The following FGF14 variants were observed in gnomAD, a reference collection of about 807,000 sequenced individuals.
FGF14 encodes fibroblast growth factor 14.
In FGF14, 5 loss-of-function variants were observed where a neutral mutation model predicts 25.5. The observed-to-expected ratio is 0.20, with a 90% CI of 0.10 to 0.41. FGF14 has a LOEUF of 0.41. FGF14 is among the 10% of genes least tolerant of loss of function. The pLI is 1.00. For synonymous variants in FGF14, 138 were observed against 118.3 expected, an observed-to-expected ratio of 1.17 and a Z score of -1.08; for missense variants, 222 against 320.1, an observed-to-expected ratio of 0.69 and a Z score of 2.34.
intron 1 of FGF14, among the ~76,000 whole-genome samples, chr13:101,904,561 A>C (rs539504241): frequency 5.9e-5 from 9 of 152,356 alleles, no homozygotes; most frequent in Admixed American, 5.9e-4. Context: ...CTTGTAAACG[A>C]ATGTTCCTGG....
At chr13:101,953,689 C>T (rs1465824203) in intron 1 of FGF14, among the ~76,000 whole-genome samples, 1 of 151,400 alleles carries the variant, frequency 6.6e-6, no homozygotes, top group East Asian at 1.9e-4. Context: ...CTCCCCGGTT[C>T]AAGCGATTCT....
At chr13:101,758,520 C>G (rs552880570) in intron 3 of FGF14, among the ~76,000 whole-genome samples, 1 of 152,286 alleles carries the variant, frequency 6.6e-6, no homozygotes, top group South Asian at 2.1e-4. Context: ...TTTTACTCTT[C>G]TGCCCTTGTA....
At chr13:101,824,889 C>T (rs766754137) in intron 3 of FGF14, among the ~76,000 whole-genome samples, 15 of 152,134 alleles carry the variant, frequency 9.9e-5, no homozygotes, top group Non-Finnish European at 1.8e-4. Flanking sequence ...GGAGAGCTTC[C>T]GGGTTGCTAA....
In FGF14 at chr13:102,388,466, A is replaced by G. The variant is rs185267225; in HGVS notation, c.208+13005T>C. On this transcript the variant is annotated intron_variant, in intron 1 of 4. Transcript: ENST00000376131. The stretch of plus-strand genomic sequence containing the variant: ...TGACTTCCAAAAGTCGATGGAGGCC[A>G]CTTTCCCATGAGGCACCACAGTCCA... 1.2e-4 allele frequency among the ~76,000 whole-genome samples: 18 copies of G among 152,248 alleles called. No homozygotes were observed. The East Asian group carries it at 3.5e-3, about 29-fold the overall frequency.
At chr13:102,081,611 A>G (rs1007295857) in intron 1 of FGF14, among the ~76,000 whole-genome samples, 2 of 152,154 alleles carry the variant, frequency 1.3e-5, no homozygotes, top group African/African-American at 4.8e-5. Context: ...TGGCCTTATT[A>G]TCAATTGGAA....
intron 1 of FGF14, among the ~76,000 whole-genome samples, chr13:102,173,779 T>C (rs2048335719): frequency 1.3e-5 from 2 of 151,996 alleles, no homozygotes; most frequent in Non-Finnish European, 2.9e-5. Flanking sequence ...GTCAAACTGA[T>C]AGAAGCAGAG....
At chr13:102,363,261 A>G (rs184005181) in intron 1 of FGF14, among the ~76,000 whole-genome samples, 1 of 152,330 alleles carries the variant, frequency 6.6e-6, no homozygotes, top group East Asian at 1.9e-4. Context: ...ACCTCCAGTT[A>G]TTAGAGTTGC....
chr13:102,270,648 AAT>A (rs1367700270), intron 1 of FGF14, among the ~76,000 whole-genome samples: 1 of 152,184 alleles, frequency 6.6e-6, no homozygotes, highest in Non-Finnish European at 1.5e-5. Context: ...AGTGAGCATA[AAT>A]ATATAGACAT....
rs2056803241 is a variant in FGF14 at position 102,336,862 on chromosome 13, C to A, written c.208+64609G>T. ...TAGAACAATAAAGCCTGAATGACAG[C>A]AAAACTGTTTATAGCACAGTTTACT... On this transcript the variant is annotated intron_variant, in intron 1 of 4. Transcript: ENST00000376131. Among the ~76,000 whole-genome samples, 4 of 152,298 alleles carry A rather than the reference C, an allele frequency of 2.6e-5. No individual in the cohort carries two copies. In the South Asian group the frequency reaches 6.2e-4, roughly 24 times the overall value.
At chr13:102,139,655 A>T (rs1284352798) in intron 1 of FGF14, among the ~76,000 whole-genome samples, 1 of 152,124 alleles carries the variant, frequency 6.6e-6, no homozygotes, top group African/African-American at 2.4e-5. Context: ...GGGACTTAGA[A>T]TAGGCTCTTA....
intron 1 of FGF14, among the ~76,000 whole-genome samples, chr13:102,110,110 T>G (rs1156311442): frequency 6.6e-6 from 1 of 152,222 alleles, no homozygotes; most frequent in Non-Finnish European, 1.5e-5. Flanking sequence ...TTCTCTTAAG[T>G]CTACTTGCTA....
intron 1 of FGF14, among the ~76,000 whole-genome samples, chr13:101,978,496 C>T (rs1566525042): frequency 3.9e-5 from 6 of 152,048 alleles, no homozygotes; most frequent in Admixed American, 3.3e-4. Context: ...TTTTAAAAAG[C>T]CAAAGCAAAT....
chr13:102,310,424 C>T (rs2055668517), intron 1 of FGF14, among the ~76,000 whole-genome samples: 3 of 152,128 alleles, frequency 2.0e-5, no homozygotes, highest in African/African-American at 7.2e-5. Context: ...TTGAGGAGCA[C>T]AAGGAATGAA....
chr13:102,105,087 T>C (rs2044844303), intron 1 of FGF14, among the ~76,000 whole-genome samples: 1 of 152,174 alleles, frequency 6.6e-6, no homozygotes, highest in African/African-American at 2.4e-5. Context: ...AACCAAACAC[T>C]TGCCCCACTA....
At chr13:101,930,947 A>G (rs939486041) in intron 1 of FGF14, among the ~76,000 whole-genome samples, 10 of 152,202 alleles carry the variant, frequency 6.6e-5, no homozygotes, top group Admixed American at 2.6e-4. Context: ...AGTCCAACAA[A>G]TTTACCCCTC....
intron 1 of FGF14, among the ~76,000 whole-genome samples, chr13:102,239,311 G>A (rs1407093137): frequency 6.6e-6 from 1 of 152,046 alleles, no homozygotes; most frequent in South Asian, 2.1e-4. Flanking sequence ...CTTATCAGAC[G>A]AACTAAAGAT....
chr13:102,030,634 G>A (rs1223109703), intron 1 of FGF14, among the ~76,000 whole-genome samples: 2 of 151,976 alleles, frequency 1.3e-5, no homozygotes, highest in South Asian at 2.1e-4. Context: ...ATTTCAAGAA[G>A]AGTCCAGGCG....
intron 3 of FGF14, 86 bp from the exon 4 acceptor site, chr13:101,726,896 C>T (rs529176249): frequency 3.8e-6 from 4 of 1,063,676 alleles, no homozygotes; most frequent in Non-Finnish European, 5.6e-6. Context: ...AGTTTCCCAG[C>T]ATGGTGAAAG....
At chr13:102,356,948 T>TATATATATATATATATAC (rs1262647370) in intron 1 of FGF14, among the ~76,000 whole-genome samples, 2 of 148,434 alleles carry the variant, frequency 1.3e-5, no homozygotes, top group African/African-American at 5.0e-5. Flanking sequence ...TATATATATA[T>TATATATATATATATATAC]ACACACAAAC....
Sources: gnomAD v4.1 joint callset for allele counts (sites outside exome capture counted in the v4.1 genomes callset) on GRCh38, gnomAD v4.1.1 for gene constraint, MANE v1.5 for transcripts, NCBI Gene and HGNC (gene_info 2026-07-23, HGNC 2026-07-21) for gene names.